KIF26B: variants seen among roughly 807,000 people sequenced by gnomAD.
KIF26B encodes the protein kinesin family member 26B.
A neutral mutation model predicts 151.2 loss-of-function variants in KIF26B; 63 were observed. That is an observed-to-expected ratio of 0.42 (90% CI 0.34 to 0.51). KIF26B has a LOEUF of 0.51. Among genes scored for constraint, KIF26B ranks in the 20% least tolerant of loss-of-function variants. The pLI is 0.07. For missense variants in KIF26B, 2,813 were observed against 2,913.6 expected (o/e 0.97, Z 0.79); for synonymous variants, 1,357 against 1,262.1 (o/e 1.08, Z -1.59).
At chr1:245,396,592 C>T (rs962324356) in intron 3 of KIF26B, among the ~76,000 whole-genome samples, 5 of 151,228 alleles carry the variant, frequency 3.3e-5, no homozygotes, top group East Asian at 1.9e-4. Context: ...GCTGAGATGG[C>T]GCCACTGCAT....
rs1367158222 is a variant in KIF26B at position 245,167,593 on chromosome 1, A to G, written c.465+10910A>G. On this transcript the variant is annotated intron_variant, in intron 2 of 14. Transcript: ENST00000407071. This position sits in a 1 kb window ranked among gnomAD's most constrained non-coding sequence, Gnocchi z 4.2. ...AACCAGCACCAAAAGCTGTCGAGCT[A>G]TCTAACCAAATGGTTGTACAGAAAA... is the stretch of plus-strand genomic sequence containing the variant. Among the ~76,000 whole-genome samples, 1 of 152,228 alleles carries G rather than the reference A, an allele frequency of 6.6e-6. No individual in the cohort carries two copies. The highest frequency in any genetic ancestry group is 1.9e-4 in the East Asian group (1 of 5,198).
At chr1:245,623,078 A>T (rs1168591181) in intron 9 of KIF26B, among the ~76,000 whole-genome samples, 1 of 140,790 alleles carries the variant, frequency 7.1e-6, no homozygotes, top group African/African-American at 2.6e-5. Flanking sequence ...CTTTAATGAG[A>T]TATACCTGAG....
chr1:245,248,175 A>G (rs1670371503), intron 2 of KIF26B, among the ~76,000 whole-genome samples: 1 of 152,140 alleles, frequency 6.6e-6, no homozygotes, highest in South Asian at 2.1e-4. Flanking sequence ...TTATACCCCA[A>G]AATAACTGAG....
intron 3 of KIF26B, among the ~76,000 whole-genome samples, chr1:245,409,177 CA>C (rs1251012879): frequency 6.6e-6 from 1 of 152,226 alleles, no homozygotes; most frequent in East Asian, 1.9e-4. Context: ...TGCAAAACTG[CA>C]AGCTTCATGG....
chr1:245,620,969 G>A (rs1213475389), intron 9 of KIF26B, among the ~76,000 whole-genome samples: 2 of 152,124 alleles, frequency 1.3e-5, no homozygotes, highest in Admixed American at 6.5e-5. Context: ...GCGTCAGGCA[G>A]AACTTCTTAT....
At position 245,318,836 on chromosome 1, in the gene KIF26B, C is replaced by T. The variant is rs1429637822; in HGVS notation, c.466-47998C>T. ...AACAGAGTAAAGAGTTTCTCGGTCA[C>T]AAGGGAAACTTTTACTATTTGAAAT... On this transcript the variant is annotated intron_variant, in intron 2 of 14. Transcript: ENST00000407071. The surrounding 1 kb of genome is among the most constrained non-coding windows in gnomAD (Gnocchi z 4.0). 1.3e-5 allele frequency among the ~76,000 whole-genome samples: 2 copies of T among 151,070 alleles called. No individual in the cohort carries two copies. Among genetic ancestry groups the T allele is most frequent in the African/African-American group, 4.9e-5 (2 of 40,954 alleles).
intron 4 of KIF26B, among the ~76,000 whole-genome samples, chr1:245,464,954 C>T (rs1472079188): frequency 6.6e-6 from 1 of 151,550 alleles, no homozygotes; most frequent in Non-Finnish European, 1.5e-5. Context: ...GGGCACCCAG[C>T]CGCAGATTAC....
chr1:245,418,069 T>A (rs1451706335), intron 3 of KIF26B, among the ~76,000 whole-genome samples: 3 of 152,236 alleles, frequency 2.0e-5, no homozygotes, highest in African/African-American at 7.2e-5. Context: ...TGGAGCTTCA[T>A]CGATGCTGTT....
intron 4 of KIF26B, among the ~76,000 whole-genome samples, chr1:245,421,541 G>C (rs924865152): frequency 6.6e-6 from 1 of 152,048 alleles, no homozygotes; most frequent in South Asian, 2.1e-4. Flanking sequence ...ACCTGGCCTC[G>C]ATCCTAGAGG....
chr1:245,155,547 C>A (rs1377079240), intron 1 of KIF26B, 60 bp downstream of exon 1: 35 of 1,433,150 alleles, frequency 2.4e-5, no homozygotes, highest in Admixed American at 2.3e-4. Context: ...CGGAGGTCCC[C>A]CTTTCCCCGG....
intron 4 of KIF26B, among the ~76,000 whole-genome samples, chr1:245,530,927 C>T (rs1479807527): frequency 6.6e-6 from 1 of 152,160 alleles, no homozygotes; most frequent in Admixed American, 6.5e-5. Flanking sequence ...GACTGAGTTT[C>T]CCGGAACACT....
At chr1:245,547,940 A>G (rs1423431158) in intron 5 of KIF26B, among the ~76,000 whole-genome samples, 1 of 152,180 alleles carries the variant, frequency 6.6e-6, no homozygotes, top group Non-Finnish European at 1.5e-5. Context: ...GTGCAAGTAG[A>G]GAAACAGAAT....
At chr1:245,466,039 C>A (rs1225971024) in intron 4 of KIF26B, among the ~76,000 whole-genome samples, 2 of 152,242 alleles carry the variant, frequency 1.3e-5, no homozygotes, top group African/African-American at 2.4e-5. Flanking sequence ...ACAGTACGAG[C>A]ATCTCATGAA....
chr1:245,600,314 AG>A (rs2043382568), intron 5 of KIF26B, among the ~76,000 whole-genome samples: 1 of 144,402 alleles, frequency 6.9e-6, no homozygotes, highest in Non-Finnish European at 1.5e-5. Flanking sequence ...CTGGGATTAC[AG>A]GCGTGAGCCA....
At chr1:245,387,394 G>A (rs35669668) in intron 3 of KIF26B, among the ~76,000 whole-genome samples, 1 of 151,346 alleles carries the variant, frequency 6.6e-6, no homozygotes, top group Non-Finnish European at 1.5e-5. Context: ...CAAACTCTAA[G>A]CTCAGGTGAT....
rs528748473 is a variant in KIF26B at position 245,324,722 on chromosome 1, G to A, written c.466-42112G>A. On this transcript the variant is annotated intron_variant, in intron 2 of 14. Coordinates refer to ENST00000407071, the MANE Select transcript of KIF26B (RefSeq NM_018012.4). ...AATCACAGGGCCAGGCATGAAACAC[G>A]GCCATCCCTCAGGCACACGGCTGCT... is the stretch of plus-strand genomic sequence containing the variant. 5.3e-5 allele frequency among the ~76,000 whole-genome samples: 8 copies of A among 152,210 alleles called. No homozygotes were observed. In the South Asian group the frequency reaches 1.5e-3, roughly 28 times the overall value.
intron 4 of KIF26B, among the ~76,000 whole-genome samples, chr1:245,461,672 G>T (rs1444207201): frequency 1.3e-5 from 2 of 152,176 alleles, no homozygotes; most frequent in Admixed American, 6.5e-5. Context: ...TCTCGGGGAA[G>T]CTGAGAGCTC....
intron 4 of KIF26B, among the ~76,000 whole-genome samples, chr1:245,496,488 A>G (rs1210224040): frequency 6.6e-6 from 1 of 152,222 alleles, no homozygotes. Context: ...TGGAAGTATT[A>G]AAACTCAGAA....
At chr1:245,504,261 C>T (rs1660682717) in intron 4 of KIF26B, among the ~76,000 whole-genome samples, 1 of 152,146 alleles carries the variant, frequency 6.6e-6, no homozygotes, top group East Asian at 1.9e-4. Flanking sequence ...AACCCCTTCC[C>T]ACCTTCCATC....
Sources: gnomAD v4.1 joint callset for allele counts (sites outside exome capture counted in the v4.1 genomes callset) on GRCh38, gnomAD v4.1.1 for gene constraint, Gnocchi (gnomAD v3.1) non-coding constraint, MANE v1.5 for transcripts, NCBI Gene and HGNC (gene_info 2026-07-23, HGNC 2026-07-21) for gene names.